The following UACA variants were observed in gnomAD, a reference collection of about 807,000 sequenced individuals.
UACA encodes the protein nuclear membrane binding protein.
In UACA, 112 loss-of-function variants were observed where a neutral mutation model predicts 160.5. The ratio of observed to expected loss-of-function variants is 0.70; its 90% CI spans 0.60 to 0.82. The LOEUF is 0.82. Among genes scored for constraint, UACA ranks in the 40% least tolerant of loss-of-function variants. UACA has a pLI of 0.00. For synonymous variants in UACA, 557 were observed against 568.4 expected (o/e 0.98, Z 0.29); for missense variants, 1,574 against 1,614.6 (o/e 0.97, Z 0.43).
the UACA span, among the ~76,000 whole-genome samples, chr15:70,776,944 T>C: frequency 6.6e-6 from 1 of 151,952 alleles, no homozygotes; most frequent in Non-Finnish European, 1.5e-5. Flanking sequence ...CCAAGAGATA[T>C]AGTAGGAGCA....
chr15:70,683,895 T>C (rs565176976), intron 8 of UACA, among the ~76,000 whole-genome samples: 74 of 152,090 alleles, frequency 4.9e-4, no homozygotes, highest in Admixed American at 4.8e-3. Context: ...CAGCTGACTA[T>C]TTTACATACA....
rs138765717 is a variant in UACA at position 70,705,829 on chromosome 15, TAAAAC to T, written c.79-6174_79-6170del. Among the ~76,000 whole-genome samples the T allele has an allele frequency of 7.3e-3, 1,104 of 152,218 alleles. 70 individuals are homozygous for T. In the East Asian group the frequency reaches 0.16, roughly 22 times the overall value. ...ATTAAACAAACTATATTTATAAAAA[TAAAAC>T]AATTGAGAAAATATGACTACTGACT... On this transcript the variant is annotated intron_variant, in intron 1 of 18. Transcript: ENST00000322954.
At chr15:70,768,795 G>A in the UACA span, among the ~76,000 whole-genome samples, 1 of 152,174 alleles carries the variant, frequency 6.6e-6, no homozygotes, top group Non-Finnish European at 1.5e-5. Flanking sequence ...AAGTTGGATA[G>A]AAAAGTTCCT....
chr15:70,657,022 A>G lies in UACA; in HGVS notation c.*34T>C. 6.3e-7 allele frequency: 1 copy of G among 1,587,852 alleles called. No individual in the cohort carries two copies. Among genetic ancestry groups the G allele is most frequent in the Non-Finnish European group, 8.6e-7 (1 of 1,156,168 alleles). On this transcript the variant is annotated 3_prime_UTR_variant, in exon 19 of 19. Transcript: ENST00000322954. ...GCACAAAGAATGTTCAGCACCAGCAAGATAAAACAGATACTGGCAGTCAGT... is the reference window on the plus strand; with the variant it reads ...GCACAAAGAATGTTCAGCACCAGCAGGATAAAACAGATACTGGCAGTCAGT...
Position 70,668,040 on chromosome 15 carries a change from C to A in UACA, c.2644G>T (p.Glu882Ter). The A allele has an allele frequency of 6.2e-7, 1 of 1,611,832 alleles. No homozygotes were observed. The highest frequency in any genetic ancestry group is 8.5e-7 in the Non-Finnish European group (1 of 1,179,478). The change falls in exon 16 of 19, where the codon GAA becomes TAA. Residue 882 changes from glutamate to a stop codon, truncating the protein, a stop_gained. Transcript: ENST00000322954. LOFTEE classifies it high-confidence loss of function. The stretch of plus-strand genomic sequence containing the variant: ...AATTTTTTCTTCACATCTAATAATT[C>A]TCTGTTAGTTTTGGCTAACGTGTCA... ...LNDTLAKTNRELLDVKKKFED... is the reference protein window; with the variant it reads ...LNDTLAKTNR
At chr15:70,745,698 C>T (rs1320773716) in intron 1 of UACA, among the ~76,000 whole-genome samples, 1 of 152,158 alleles carries the variant, frequency 6.6e-6, no homozygotes, top group African/African-American at 2.4e-5. Context: ...ATCATGCTAC[C>T]TGACTTCAAA....
At chr15:70,718,324 A>ATG (rs59313425) in intron 1 of UACA, among the ~76,000 whole-genome samples, 9,622 of 59,992 alleles carry the variant, frequency 0.16, 1,174 homozygotes, top group East Asian at 0.3. Context: ...GAGAGAGAGA[A>ATG]TGTGTGTGTG....
upstream of UACA, among the ~76,000 whole-genome samples, chr15:70,767,006 C>T (rs536283927): frequency 1.3e-4 from 20 of 151,850 alleles, no homozygotes; most frequent in East Asian, 7.8e-4. Context: ...TTTGGAAGGC[C>T]GAGGCGGGTG....
intron 16 of UACA, 129 bp from the exon 17 acceptor site, chr15:70,664,943 T>C (rs757119189): frequency 2.7e-6 from 2 of 754,714 alleles, no homozygotes; most frequent in Admixed American, 6.6e-5. Flanking sequence ...GAGGTATGAA[T>C]ATTGCCAAGA....
chr15:70,736,551 C>T (rs998933475), intron 1 of UACA, among the ~76,000 whole-genome samples: 2 of 152,118 alleles, frequency 1.3e-5, no homozygotes, highest in African/African-American at 4.8e-5. Flanking sequence ...TTTCCTGCCT[C>T]AGCCTCCCGA....
chr15:70,668,457 G>C lies in UACA; in HGVS notation c.2227C>G (p.His743Asp), dbSNP rs1897014478. 1.9e-6 allele frequency: 3 copies of C among 1,612,028 alleles called. No homozygotes were observed. The South Asian group carries it at 3.3e-5, about 18-fold the overall frequency. Residue 743 changes from histidine to aspartate, a missense_variant, in exon 16 of 19, where the codon CAT becomes GAT. Physicochemically the swap from His to Asp is moderately conservative, Grantham distance 81 (BLOSUM62 -1). Transcript: ENST00000322954. ...TCACTTACTTTTAAAGGAACATAATGATTTTTCATTTCAATTGTTAAGTTA... is the reference window on the plus strand; with the variant it reads ...TCACTTACTTTTAAAGGAACATAATCATTTTTCATTTCAATTGTTAAGTTA... ...AHNLTIEMKN[H>D]YVPLKVSEDM...
At chr15:70,702,992 G>GAAA in intron 1 of UACA, 1 of 669,676 alleles carries the variant, frequency 1.5e-6, no homozygotes, top group Non-Finnish European at 2.1e-6. Context: ...TTCACTGGAT[G>GAAA]AAAAAAAAAA....
chr15:70,700,243 C>G (rs1024512776), intron 1 of UACA, among the ~76,000 whole-genome samples: 5 of 149,110 alleles, frequency 3.4e-5, no homozygotes, highest in Admixed American at 6.7e-5. Context: ...ACTACCCCCC[C>G]CCAACACAGA....
intron 1 of UACA, 147 bp from the exon 2 acceptor site, chr15:70,699,807 T>A (rs536555379): frequency 6.9e-4 from 572 of 828,282 alleles, no homozygotes; most frequent in Admixed American, 1.4e-3. Context: ...CTCCCTTCTG[T>A]GCTAACTTCA....
chr15:70,711,497 TA>T (rs34582821), intron 1 of UACA, among the ~76,000 whole-genome samples: 93,251 of 141,770 alleles, frequency 0.66, 32,406 homozygotes, highest in Admixed American at 0.79. Flanking sequence ...CCATCTCTAC[TA>T]AAAAAAAAAA....
In UACA at chr15:70,696,614, T is replaced by C. The variant is rs541924483; in HGVS notation, c.213-1509A>G. On this transcript the variant is annotated intron_variant, in intron 2 of 18. Coordinates refer to ENST00000322954, the MANE Select transcript of UACA (RefSeq NM_018003.4). ...AAAGCTGTTTCTGGTAAAAGGAATA[T>C]AGTATTCTTAAGAGTCAGGTAAGTT... Among the ~76,000 whole-genome samples, 13 of 152,310 alleles carry C rather than the reference T, an allele frequency of 8.5e-5. No individual in the cohort carries two copies. In the East Asian group the frequency reaches 1.9e-3, roughly 23 times the overall value.
chr15:70,747,092 C>A (rs966622213), intron 1 of UACA, among the ~76,000 whole-genome samples: 1 of 152,056 alleles, frequency 6.6e-6, no homozygotes, highest in Non-Finnish European at 1.5e-5. Context: ...CAAACCTGTA[C>A]GTTCTGCACA....
intron 1 of UACA, among the ~76,000 whole-genome samples, chr15:70,755,040 C>T (rs1010196472): frequency 1.3e-5 from 2 of 152,102 alleles, no homozygotes; most frequent in Non-Finnish European, 2.9e-5. Flanking sequence ...TATGCTGTAT[C>T]CTTTAGGTGG....
chr15:70,772,394 G>A, the UACA span, among the ~76,000 whole-genome samples: 1 of 150,982 alleles, frequency 6.6e-6, no homozygotes, highest in South Asian at 2.1e-4. Context: ...TTGGGAGGCT[G>A]AGGCAGGAGA....
Sources: gnomAD v4.1 joint callset for allele counts (sites outside exome capture counted in the v4.1 genomes callset) on GRCh38, gnomAD v4.1.1 for gene constraint, MANE v1.5 for transcripts, NCBI Gene and HGNC (gene_info 2026-07-23, HGNC 2026-07-21) for gene names.